The following COPA variants were observed in gnomAD, a reference collection of about 807,000 sequenced individuals.
COPA encodes coat protein complex I subunit alpha.
COPA carries 10 observed loss-of-function variants against 158.7 expected under a neutral mutation model. The observed-to-expected ratio is 0.06, with a 90% confidence interval of 0.04 to 0.11. COPA has a LOEUF of 0.11. Ranked by LOEUF, COPA falls within the 10% of genes least tolerant of loss-of-function variation. COPA has a pLI of 1.00. For missense variants in COPA, 1,065 were observed against 1,536.7 expected (o/e 0.69, Z 5.13); for synonymous variants, 462 against 542.8 (o/e 0.85, Z 2.07).
chr1:160,334,014 A>C (rs2101873498), intron 4 of COPA, among the ~76,000 whole-genome samples: 1 of 152,292 alleles, frequency 6.6e-6, no homozygotes, highest in South Asian at 2.1e-4. Flanking sequence ...CATGTAAATT[A>C]AGATCCTGTG....
chr1:160,311,508 G>A (rs1383651703), intron 11 of COPA, among the ~76,000 whole-genome samples: 3 of 151,984 alleles, frequency 2.0e-5, no homozygotes, highest in Non-Finnish European at 4.4e-5. Context: ...CCAGCACTTT[G>A]GGAGGCCAAG....
rs1393340648 is a variant in COPA at position 160,291,903 on chromosome 1, A to C, written c.3174T>G (p.Arg1058=). Residue 1058 remains arginine (R), a synonymous_variant, in exon 30 of 33, where the codon CGT becomes CGG. Coordinates refer to ENST00000241704, the MANE Select transcript of COPA (RefSeq NM_004371.4). ...AEAQQLITIC[R]EYIVGLSVET... is the part of the protein sequence containing the mutation. ...CCACGGACAAACCCACAATGTACTC[A>C]CGGCAAATGGTGATGAGCTGCTGGG... 6.2e-7 allele frequency: 1 copy of C among 1,614,166 alleles called. No individual in the cohort carries two copies.
chr1:160,290,263 AG>A, intron 32 of COPA, 47 bp from the exon 33 acceptor site: 1 of 1,604,736 alleles, frequency 6.2e-7, no homozygotes, highest in Non-Finnish European at 8.5e-7. Flanking sequence ...TGTAAGATTG[AG>A]AACCCTAGAA....
At chr1:160,301,627 G>C (rs1453748536) in intron 17 of COPA, among the ~76,000 whole-genome samples, 1 of 152,030 alleles carries the variant, frequency 6.6e-6, no homozygotes, top group African/African-American at 2.4e-5. Flanking sequence ...ACAAAAATGA[G>C]CTGGGCATGG....
chr1:160,293,492 A>T, intron 25 of COPA, 29 bp from the exon 26 acceptor site: 1 of 1,514,968 alleles, frequency 6.6e-7, no homozygotes, highest in Non-Finnish European at 8.9e-7. Flanking sequence ...TTGAGTATTG[A>T]GTAATTTTTT....
chr1:160,328,591 G>C (rs1647362145), intron 6 of COPA, among the ~76,000 whole-genome samples: 1 of 152,114 alleles, frequency 6.6e-6, no homozygotes, highest in Admixed American at 6.5e-5. Context: ...AAAAAGAGAG[G>C]GATGATAACA....
chr1:160,342,456 G>A (rs1020007391), intron 1 of COPA, among the ~76,000 whole-genome samples: 1 of 152,066 alleles, frequency 6.6e-6, no homozygotes, highest in African/African-American at 2.4e-5. Flanking sequence ...GCCGTACTTA[G>A]CAAATAAAAA....
chr1:160,298,818 T>C (rs778384542), intron 19 of COPA, 27 bp downstream of exon 19: 8 of 1,613,610 alleles, frequency 5.0e-6, no homozygotes, highest in African/African-American at 1.3e-5. Context: ...TAAGACAATA[T>C]GGGGCTGATG....
intron 10 of COPA, 134 bp downstream of exon 10, chr1:160,312,951 A>C: frequency 1.4e-6 from 1 of 730,278 alleles, no homozygotes; most frequent in South Asian, 2.0e-5. Context: ...GAAAAGCTTC[A>C]ACTAAGTGGC....
At chr1:160,339,287 C>T (rs1003884069) in intron 3 of COPA, 1 of 152,188 alleles carries the variant, frequency 6.6e-6, no homozygotes, top group Non-Finnish European at 1.5e-5. Context: ...ATTTTTGCCT[C>T]CTGTCTTGCC....
rs1282039866 is a variant in COPA at position 160,343,142 on chromosome 1, G to A, written c.29C>T (p.Ala10Val). ...TTATTCTCCACTACCTTTGACCCGCGCGCTCTTGGTCTCGAATTTGGTTAA... is the reference window on the plus strand; with the variant it reads ...TTATTCTCCACTACCTTTGACCCGCACGCTCTTGGTCTCGAATTTGGTTAA... The part of the protein sequence containing the change: MLTKFETKS[A>V]RVKGLSFHPK... Residue 10 changes from alanine (A) to valine (V), a missense_variant, in exon 1 of 33, where the codon GCG becomes GTG. Coordinates refer to ENST00000241704, the MANE Select transcript of COPA (RefSeq NM_004371.4). The A allele has an allele frequency of 1.9e-6, 3 of 1,614,024 alleles. No individual in the cohort carries two copies. Among genetic ancestry groups the A allele is most frequent in the Non-Finnish European group, 2.5e-6 (3 of 1,179,998 alleles).
chr1:160,293,270 C>G, intron 26 of COPA, 36 bp from the exon 27 acceptor site: 1 of 1,613,634 alleles, frequency 6.2e-7, no homozygotes, highest in Non-Finnish European at 8.5e-7. Flanking sequence ...CCAAGTGAAA[C>G]TTTGTCCCTT....
Position 160,323,510 on chromosome 1 carries a change from G to A in COPA, c.627C>T (p.Asn209=). The A allele has an allele frequency of 1.2e-6, 2 of 1,610,668 alleles. No homozygotes were observed. Among genetic ancestry groups the A allele is most frequent in the East Asian group, 2.2e-5 (1 of 44,702 alleles). The stretch of plus-strand genomic sequence containing the variant: ...GCATAGTGGGGTGGAAGGCAGCCCA[G>A]TTTACTCCACGATCGTGACCCTGTA... ...HVLEGHDRGV[N]WAAFHPTMPL... Residue 209 remains asparagine (N), a synonymous_variant, in exon 8 of 33, where the codon AAC becomes AAT. Transcript: ENST00000241704.
At chr1:160,297,867 C>G (rs921013119) in intron 19 of COPA, 122 bp from the exon 20 acceptor site, 8 of 1,078,228 alleles carry the variant, frequency 7.4e-6, no homozygotes, top group Non-Finnish European at 1.0e-5. Context: ...TTCAATTACT[C>G]CTAGCTTTTA....
At chr1:160,326,452 C>T (rs753027245) in intron 6 of COPA, among the ~76,000 whole-genome samples, 1 of 152,140 alleles carries the variant, frequency 6.6e-6, no homozygotes, top group African/African-American at 2.4e-5. Flanking sequence ...TGGCTTGAGC[C>T]CAGGAAGTCG....
intron 11 of COPA, 142 bp downstream of exon 11, chr1:160,311,726 G>A (rs546053930): frequency 1.6e-4 from 130 of 799,616 alleles, no homozygotes; most frequent in Non-Finnish European, 2.0e-4. Context: ...CAGCCTGGGC[G>A]ACAAAGCGAG....
intron 19 of COPA, among the ~76,000 whole-genome samples, chr1:160,298,183 A>G (rs1658479196): frequency 1.3e-5 from 2 of 152,002 alleles, no homozygotes; most frequent in South Asian, 4.2e-4. Context: ...CTCCGCCTCA[A>G]AAAAAAGAAA....
At position 160,297,752 on chromosome 1, in the gene COPA, A is replaced by G. The variant is rs771695011; in HGVS notation, c.1978-7T>C. On this transcript the variant is annotated splice_region_variant and splice_polypyrimidine_tract_variant and intron_variant, in intron 19 of 32. Transcript: ENST00000241704. ...TGGCTGCTTCCAGAGCAATCTAAAG[A>G]ATCCCCAGGGTCGTGTTAACAGGTT... is the stretch of plus-strand genomic sequence containing the variant. 1 of 1,613,062 alleles carries G rather than the reference A, an allele frequency of 6.2e-7. No individual in the cohort carries two copies. Among genetic ancestry groups the G allele is most frequent in the Non-Finnish European group, 8.5e-7 (1 of 1,179,608 alleles).
At chr1:160,324,667 T>C (rs1659436496) in intron 7 of COPA, among the ~76,000 whole-genome samples, 1 of 152,154 alleles carries the variant, frequency 6.6e-6, no homozygotes, top group Non-Finnish European at 1.5e-5. Context: ...ATATGTGATA[T>C]CATCGCTCTG....
Sources: gnomAD v4.1 joint callset for allele counts (sites outside exome capture counted in the v4.1 genomes callset) on GRCh38, gnomAD v4.1.1 for gene constraint, MANE v1.5 for transcripts, NCBI Gene and HGNC (gene_info 2026-07-23, HGNC 2026-07-21) for gene names.